The following KCNQ3 variants were observed in gnomAD, a reference collection of about 807,000 sequenced individuals.
The protein encoded by KCNQ3 is potassium voltage-gated channel subfamily KQT member 3.
Under a neutral mutation model 92.5 loss-of-function variants are expected in KCNQ3, and 30 were observed. The observed-to-expected ratio is 0.32, with a 90% CI of 0.24 to 0.44. KCNQ3 has a LOEUF of 0.44. Ranked by LOEUF, KCNQ3 falls within the 20% of genes least tolerant of loss-of-function variation. KCNQ3 has a pLI of 1.00. For synonymous variants in KCNQ3, 450 were observed against 468.8 expected, an observed-to-expected ratio of 0.96 and a Z score of 0.52; for missense variants, 913 against 1,140.3, an observed-to-expected ratio of 0.80 and a Z score of 2.87.
intron 1 of KCNQ3, among the ~76,000 whole-genome samples, chr8:132,303,677 T>TATATATATACACACACAC (rs376933089): frequency 2.3e-5 from 2 of 85,990 alleles, no homozygotes; most frequent in African/African-American, 9.0e-5. Flanking sequence ...TATATATATA[T>TATATATATACACACACAC]ACACACACAC....
At chr8:132,183,842 G>A (rs1006013411) in intron 3 of KCNQ3, among the ~76,000 whole-genome samples, 5 of 152,188 alleles carry the variant, frequency 3.3e-5, no homozygotes, top group Non-Finnish European at 5.9e-5. Flanking sequence ...AGCCAGCAAC[G>A]GTGTCACGCC....
chr8:132,411,650 C>A (rs574154930), intron 1 of KCNQ3, among the ~76,000 whole-genome samples: 1 of 152,120 alleles, frequency 6.6e-6, no homozygotes, highest in Non-Finnish European at 1.5e-5. Flanking sequence ...CACACACACA[C>A]AACACACACA....
intron 1 of KCNQ3, among the ~76,000 whole-genome samples, chr8:132,317,555 T>A (rs995923348): frequency 2.6e-5 from 4 of 152,204 alleles, no homozygotes; most frequent in Non-Finnish European, 5.9e-5. Context: ...GTGCTACCTG[T>A]GGTGTCCAGT....
intron 1 of KCNQ3, among the ~76,000 whole-genome samples, chr8:132,334,482 TTAAG>T (rs1818312094): frequency 6.6e-6 from 1 of 152,220 alleles, no homozygotes; most frequent in Non-Finnish European, 1.5e-5. Context: ...AATTCTTTCC[TTAAG>T]TAAGTTCCTC....
intron 1 of KCNQ3, among the ~76,000 whole-genome samples, chr8:132,390,384 G>A (rs1213204056): frequency 6.6e-6 from 1 of 152,128 alleles, no homozygotes. Flanking sequence ...TGCTCCTGGT[G>A]GTGACACAGT....
At chr8:132,407,797 C>A (rs1279948688) in intron 1 of KCNQ3, among the ~76,000 whole-genome samples, 1 of 152,188 alleles carries the variant, frequency 6.6e-6, no homozygotes, top group East Asian at 1.9e-4. Context: ...CTCGGCAGGT[C>A]TGCAGCAGAG....
intron 1 of KCNQ3, among the ~76,000 whole-genome samples, chr8:132,400,505 A>C (rs1191333719): frequency 1.3e-5 from 2 of 152,226 alleles, no homozygotes; most frequent in African/African-American, 2.4e-5. Context: ...GCTGATCAGC[A>C]AGAGCACGGA....
intron 1 of KCNQ3, among the ~76,000 whole-genome samples, chr8:132,287,494 TA>T (rs1816710867): frequency 6.6e-6 from 1 of 152,180 alleles, no homozygotes; most frequent in Non-Finnish European, 1.5e-5. Flanking sequence ...CTATTGGCAA[TA>T]GCCAAAAGTT....
chr8:132,349,670 C>T (rs62520380), intron 1 of KCNQ3, among the ~76,000 whole-genome samples: 36,569 of 152,218 alleles, frequency 0.24, 5,479 homozygotes, highest in Non-Finnish European at 0.34. Context: ...ACAGATTCAG[C>T]CCAGGAGACC....
At chr8:132,333,491 C>T (rs1179606215) in intron 1 of KCNQ3, among the ~76,000 whole-genome samples, 1 of 152,108 alleles carries the variant, frequency 6.6e-6, no homozygotes, top group Admixed American at 6.5e-5. Context: ...AAACATAATA[C>T]CTTCTCACTG....
At chr8:132,180,791 G>C (rs975607656) in intron 3 of KCNQ3, among the ~76,000 whole-genome samples, 1 of 149,312 alleles carries the variant, frequency 6.7e-6, no homozygotes, top group Admixed American at 6.7e-5. Context: ...ATTGGAAGAT[G>C]ATGTTAGGAA....
rs781661924 is a variant in KCNQ3 at position 132,123,787 on chromosome 8, C to G, written c.*5475G>C. ...TTCTTGCTCTGTGTATCTTAGAATC[C>G]ATGAAATTATGTCTCTTTGCATCTA... On this transcript the variant is annotated 3_prime_UTR_variant, in exon 15 of 15. Coordinates refer to ENST00000388996, the MANE Select transcript of KCNQ3 (RefSeq NM_004519.4). 5.9e-5 allele frequency: 9 copies of G among 152,102 alleles called. No individual in the cohort carries two copies. Among genetic ancestry groups the G allele is most frequent in the Non-Finnish European group, 1.2e-4 (8 of 68,024 alleles). The allele number at this position is 152,102 out of a possible 1,614,324, so 9.4% of individuals were successfully genotyped here. A position where few individuals can be genotyped will look rare whatever the true frequency, so the allele number is the denominator to read the frequency against.
intron 7 of KCNQ3, among the ~76,000 whole-genome samples, 167 bp downstream of exon 7, chr8:132,172,431 C>CACACACACACACACACACACACAG (rs777793487): frequency 1.3e-5 from 2 of 150,700 alleles, no homozygotes; most frequent in Non-Finnish European, 3.0e-5. Flanking sequence ...CACACACACA[C>CACACACACACACACACACACACAG]ACACAGACAC....
chr8:132,175,332 G>C (rs1323718178), intron 5 of KCNQ3, 121 bp downstream of exon 5: 32 of 1,151,070 alleles, frequency 2.8e-5, no homozygotes, highest in Non-Finnish European at 3.9e-5. Context: ...AATTGGTCTA[G>C]AGCTTACCTC....
chr8:132,357,036 A>AC (rs78117661), intron 1 of KCNQ3, among the ~76,000 whole-genome samples: 110 of 146,462 alleles, frequency 7.5e-4, no homozygotes, highest in Non-Finnish European at 8.8e-5. Context: ...AACAACAACA[A>AC]AAACTAAGGG....
chr8:132,405,778 G>A (rs1820460248), intron 1 of KCNQ3, among the ~76,000 whole-genome samples: 1 of 152,228 alleles, frequency 6.6e-6, no homozygotes, highest in Non-Finnish European at 1.5e-5. Flanking sequence ...CAGATTTGGT[G>A]TTGGAGTGCT....
At chr8:132,465,467 C>T (rs922649515) in intron 1 of KCNQ3, among the ~76,000 whole-genome samples, 4 of 151,830 alleles carry the variant, frequency 2.6e-5, no homozygotes, top group African/African-American at 9.7e-5. Context: ...CGGCTCATGC[C>T]TGTAATCCCA....
At chr8:132,179,814 T>C (rs62519586) in intron 4 of KCNQ3, among the ~76,000 whole-genome samples, 7,657 of 152,242 alleles carry the variant, frequency 0.05, 313 homozygotes, top group Non-Finnish European at 0.074. Context: ...GCTCATTCCA[T>C]CCTCTCAAAA....
At chr8:132,197,007 T>C (rs1278007172) in intron 1 of KCNQ3, among the ~76,000 whole-genome samples, 1 of 149,892 alleles carries the variant, frequency 6.7e-6, no homozygotes, top group Non-Finnish European at 1.5e-5. Flanking sequence ...CCACCATGTC[T>C]CATGGATTTT....
Sources: allele counts gnomAD v4.1 joint callset (sites outside exome capture counted in the v4.1 genomes callset), GRCh38; gene constraint gnomAD v4.1.1; transcripts MANE v1.5; gene names NCBI Gene and HGNC (gene_info 2026-07-23, HGNC 2026-07-21).